MCF2L2: variants seen among roughly 807,000 people sequenced by gnomAD.
MCF2L2 encodes MCF.2 cell line derived transforming sequence-like 2.
A neutral mutation model predicts 150.2 loss-of-function variants in MCF2L2; 102 were observed. That is an observed-to-expected ratio of 0.68 (90% CI 0.58 to 0.80). The LOEUF is 0.80. Ranked by LOEUF, MCF2L2 falls within the 30% of genes least tolerant of loss-of-function variation. The probability of loss-of-function intolerance (pLI) is 0.00; values close to 1 mark genes in which losing one functional copy is unlikely to be tolerated. For synonymous variants in MCF2L2, 465 were observed against 491.3 expected (o/e 0.95, Z 0.71); for missense variants, 1,256 against 1,372.8 (o/e 0.91, Z 1.34).
intron 25 of MCF2L2, among the ~76,000 whole-genome samples, chr3:183,201,332 G>T (rs1355627441): frequency 1.3e-5 from 2 of 152,058 alleles, no homozygotes. Context: ...TCCTTGAAGA[G>T]GTCCTTCACA....
At chr3:183,257,475 A>G (rs1268240183) in intron 15 of MCF2L2, among the ~76,000 whole-genome samples, 1 of 152,224 alleles carries the variant, frequency 6.6e-6, no homozygotes, top group Non-Finnish European at 1.5e-5. Context: ...GAATTAGTTA[A>G]ATATACGTAT....
At chr3:183,216,568 ATATATATATAT>A (rs1722931394) in intron 21 of MCF2L2, among the ~76,000 whole-genome samples, 1 of 7,000 alleles carries the variant, frequency 1.4e-4, no homozygotes, top group African/African-American at 6.0e-4. Flanking sequence ...ATATATATAT[ATATATATATAT>A]ATTTTTTTTT....
intron 3 of MCF2L2, among the ~76,000 whole-genome samples, chr3:183,368,225 T>G (rs753590175): frequency 6.6e-6 from 1 of 152,130 alleles, no homozygotes; most frequent in Non-Finnish European, 1.5e-5. Context: ...TCAGAAATCT[T>G]AGGTTGGGAC....
rs370562367 is a variant in MCF2L2, at chr3:183,386,572, G to A, written c.160+3124C>T. ...CTATCCTCTCCTTCACAGCCTTCCC[G>A]GTTGACAGGGTCTCTGGCTCCTTCC... On this transcript the variant is annotated intron_variant, in intron 2 of 29. Transcript: ENST00000328913. Among the ~76,000 whole-genome samples, 11 of 152,310 alleles carry A rather than the reference G, an allele frequency of 7.2e-5. No individual in the cohort carries two copies. The East Asian group carries it at 1.2e-3, about 16-fold the overall frequency.
chr3:183,218,121 C>T (rs923617026), intron 21 of MCF2L2, among the ~76,000 whole-genome samples: 13 of 152,182 alleles, frequency 8.5e-5, no homozygotes, highest in African/African-American at 3.1e-4. Context: ...AATGTAGTCA[C>T]AGGGTTTAAT....
chr3:183,234,541 T>C (rs1723716954), intron 15 of MCF2L2, among the ~76,000 whole-genome samples: 1 of 152,184 alleles, frequency 6.6e-6, no homozygotes, highest in Non-Finnish European at 1.5e-5. Context: ...CACTGAAGAA[T>C]GTAGGCAAAT....
chr3:183,362,019 A>C (rs113556096), intron 3 of MCF2L2, among the ~76,000 whole-genome samples: 1 of 152,252 alleles, frequency 6.6e-6, no homozygotes, highest in Non-Finnish European at 1.5e-5. Flanking sequence ...TCGTGTGCTT[A>C]GACTTGGGTC....
chr3:183,281,724 G>A (rs1470422789), intron 14 of MCF2L2, among the ~76,000 whole-genome samples: 2 of 152,070 alleles, frequency 1.3e-5, no homozygotes, highest in African/African-American at 4.8e-5. Context: ...GATGAGGAGA[G>A]GAAGGTTTTA....
intron 23 of MCF2L2, among the ~76,000 whole-genome samples, 180 bp downstream of exon 23, chr3:183,207,428 C>T (rs1226258251): frequency 6.6e-6 from 1 of 152,214 alleles, no homozygotes; most frequent in African/African-American, 2.4e-5. Flanking sequence ...CCAGCCCTGG[C>T]CCATAAGCTC....
intron 5 of MCF2L2, among the ~76,000 whole-genome samples, chr3:183,331,365 A>T (rs1345739823): frequency 6.6e-6 from 1 of 152,162 alleles, no homozygotes; most frequent in Non-Finnish European, 1.5e-5. Context: ...ACATGTGGAT[A>T]TTATAAACTT....
At position 183,323,258 on chromosome 3, in the gene MCF2L2, C is replaced by T. The variant is rs995431665; in HGVS notation, c.580G>A (p.Gly194Ser). 4.3e-6 allele frequency: 7 copies of T among 1,612,608 alleles called. No homozygotes were observed. The highest frequency in any genetic ancestry group is 1.6e-4 in the Middle Eastern group (1 of 6,078). ...ACAGTGCGGTGATTTACCCACTGAC[C>T]GTGGCGATATTCCAAAGTCCCCCCT... is the stretch of plus-strand genomic sequence containing the variant. Reference protein sequence around the residue: ...ELGGTLEYRHGQWVNHRTAIE... With the variant: ...ELGGTLEYRHSQWVNHRTAIE... Residue 194 changes from glycine (G) to serine (S), a missense_variant, in exon 6 of 30, where the codon GGT becomes AGT. Physicochemically the swap from Gly to Ser is moderately conservative, Grantham distance 56. Coordinates refer to ENST00000328913, the MANE Select transcript of MCF2L2 (RefSeq NM_015078.4).
chr3:183,290,273 T>C (rs2108481395), intron 13 of MCF2L2, among the ~76,000 whole-genome samples: 1 of 152,246 alleles, frequency 6.6e-6, no homozygotes, highest in South Asian at 2.1e-4. Flanking sequence ...CTATCTCCCT[T>C]CTCCCCACCT....
intron 3 of MCF2L2, among the ~76,000 whole-genome samples, chr3:183,348,445 T>G: frequency 6.6e-6 from 1 of 151,548 alleles, no homozygotes; most frequent in African/African-American, 2.4e-5. Context: ...AGGGAGAGAA[T>G]TAGGACAAAT....
chr3:183,420,452 GC>G (rs1287911927), intron 1 of MCF2L2, among the ~76,000 whole-genome samples: 1 of 152,130 alleles, frequency 6.6e-6, no homozygotes, highest in Non-Finnish European at 1.5e-5. Context: ...ACAAAAATTA[GC>G]CGGGCGTTGT....
intron 1 of MCF2L2, among the ~76,000 whole-genome samples, chr3:183,394,818 A>C (rs984757589): frequency 6.6e-6 from 1 of 152,238 alleles, no homozygotes; most frequent in African/African-American, 2.4e-5. Context: ...TTGAGATTCT[A>C]ATACACAATG....
intron 1 of MCF2L2, among the ~76,000 whole-genome samples, chr3:183,421,171 A>G (rs1047265146): frequency 6.9e-6 from 1 of 144,260 alleles, no homozygotes; most frequent in African/African-American, 2.6e-5. Context: ...CCTTTTTCCT[A>G]CTTCAACATC....
Position 183,207,639 on chromosome 3 carries a change from G to C in MCF2L2, c.2681C>G (p.Ser894Cys). ...IRMEPGDQGL[S>C]PHYSFKKTMK... The stretch of plus-strand genomic sequence containing the variant: ...GGTCTTCTTGAAGCTGTAATGAGGA[G>C]ATAATCCCTGGTCCCCAGGCTCCAT... Residue 894 changes from serine to cysteine, a missense_variant, in exon 23 of 30, where the codon TCT becomes TGT. By Grantham distance (112) the Ser-to-Cys change is moderately radical. Transcript: ENST00000328913. The C allele has an allele frequency of 6.2e-7, 1 of 1,614,156 alleles. No individual in the cohort carries two copies. The highest frequency in any genetic ancestry group is 8.5e-7 in the Non-Finnish European group (1 of 1,179,956).
intron 1 of MCF2L2, among the ~76,000 whole-genome samples, chr3:183,412,064 G>C (rs1715341265): frequency 1.3e-5 from 2 of 152,162 alleles, no homozygotes; most frequent in African/African-American, 4.8e-5. Context: ...AGGAGGCTCA[G>C]TACTACCCTA....
Position 183,305,948 on chromosome 3 carries a change from T to TGACTACTGACCACC in MCF2L2, c.1113+3754_1113+3767dup, listed in dbSNP as rs1560012225. ...AAGGACAACAATAGTTTCTGACCAC[T>TGACTACTGACCACC]GACTACTGACCACCAACCATATTGC... On this transcript the variant is annotated intron_variant, in intron 10 of 29. Coordinates refer to ENST00000328913, the MANE Select transcript of MCF2L2 (RefSeq NM_015078.4). The surrounding 1 kb of genome is among the most constrained non-coding windows in gnomAD (Gnocchi z 4.1). 1.3e-5 allele frequency among the ~76,000 whole-genome samples: 2 copies of TGACTACTGACCACC among 152,230 alleles called. No individual in the cohort carries two copies. The highest frequency in any genetic ancestry group is 2.9e-5 in the Non-Finnish European group (2 of 68,034).
Sources: allele counts gnomAD v4.1 joint callset (sites outside exome capture counted in the v4.1 genomes callset), GRCh38; gene constraint gnomAD v4.1.1; non-coding constraint Gnocchi (gnomAD v3.1); transcripts MANE v1.5; gene names NCBI Gene and HGNC (gene_info 2026-07-23, HGNC 2026-07-21).